PRKCB: variants seen among roughly 807,000 people sequenced by gnomAD.
PRKCB encodes protein kinase C beta type.
PRKCB carries 13 observed loss-of-function variants against 81.5 expected under a neutral mutation model. The ratio of observed to expected loss-of-function variants is 0.16; its 90% CI spans 0.10 to 0.25. The LOEUF (loss-of-function observed/expected upper bound fraction) is 0.25, where lower values mean the gene tolerates loss of function less well. Among genes scored for constraint, PRKCB ranks in the 10% least tolerant of loss-of-function variants. PRKCB has a pLI of 1.00. For missense variants in PRKCB, 509 were observed against 875.7 expected, an observed-to-expected ratio of 0.58 and a Z score of 5.29; for synonymous variants, 335 against 321.4, an observed-to-expected ratio of 1.04 and a Z score of -0.45.
rs193069544 is a variant in PRKCB at position 24,190,994 on chromosome 16, G to T, written c.1723-96G>T. ...AAATGAGTTGAGATTCTTCATTTGC[G>T]CTTTCTTTCCTAATGCATTGGAGTA... On this transcript the variant is annotated intron_variant, in intron 15 of 16. Transcript: ENST00000643927. 1.5e-5 allele frequency: 21 copies of T among 1,392,684 alleles called. No homozygotes were observed. The East Asian group carries it at 1.9e-4, about 12-fold the overall frequency. 86.3% of individuals were successfully genotyped at this position (1,392,684 alleles called of 1,614,324 possible).
At chr16:23,846,608 C>CAAA (rs33919504) in intron 2 of PRKCB, among the ~76,000 whole-genome samples, 13,440 of 65,056 alleles carry the variant, frequency 0.21, 2,662 homozygotes, top group Non-Finnish European at 0.27. Flanking sequence ...GACTCCGTCT[C>CAAA]AAAAAAAAAA....
At chr16:24,080,371 A>G (rs1180776664) in intron 5 of PRKCB, among the ~76,000 whole-genome samples, 1 of 152,222 alleles carries the variant, frequency 6.6e-6, no homozygotes, top group Non-Finnish European at 1.5e-5. Flanking sequence ...AATGAGAAAG[A>G]GGCAGATCAA....
intron 2 of PRKCB, among the ~76,000 whole-genome samples, chr16:23,939,021 G>C (rs1336152490): frequency 6.6e-6 from 1 of 152,140 alleles, no homozygotes; most frequent in Non-Finnish European, 1.5e-5. Flanking sequence ...CAACACATAA[G>C]TGAATTCAGC....
Position 24,185,092 on chromosome 16 carries a change from G to A in PRKCB, c.1534-19G>A, listed in dbSNP as rs577018123. The A allele has an allele frequency of 4.3e-6, 7 of 1,609,254 alleles. No individual in the cohort carries two copies. In the East Asian group the frequency reaches 1.6e-4, roughly 36 times the overall value. ...CATGAACTGCAAACCTCCCTGATAGGGTGCCTTCTCTTTTCTAGATAATTG... is the reference window on the plus strand; with the variant it reads ...CATGAACTGCAAACCTCCCTGATAGAGTGCCTTCTCTTTTCTAGATAATTG... On this transcript the variant is annotated intron_variant, in intron 13 of 16. Coordinates refer to ENST00000643927, the MANE Select transcript of PRKCB (RefSeq NM_002738.7).
At chr16:24,123,313 G>A (rs1236324120) in intron 8 of PRKCB, among the ~76,000 whole-genome samples, 1 of 152,174 alleles carries the variant, frequency 6.6e-6, no homozygotes, top group South Asian at 2.1e-4. Context: ...AGTGAAAGGA[G>A]AATGAAGCTA....
chr16:24,148,567 C>T (rs1021832021), intron 9 of PRKCB, among the ~76,000 whole-genome samples: 1 of 152,190 alleles, frequency 6.6e-6, no homozygotes, highest in African/African-American at 2.4e-5. Context: ...TTGCCTCTCT[C>T]AGTTGAAGCT....
At chr16:24,094,069 ACT>A in intron 6 of PRKCB, 92 bp from the exon 7 acceptor site, 2 of 1,387,120 alleles carry the variant, frequency 1.4e-6, no homozygotes, top group Middle Eastern at 2.0e-4. Context: ...AATCTTTAAA[ACT>A]TTCTACCTCC....
At chr16:23,847,577 C>CATCCATCCATCCATCCATCCATCCATCT (rs112988555) in intron 2 of PRKCB, among the ~76,000 whole-genome samples, 45 of 150,672 alleles carry the variant, frequency 3.0e-4, no homozygotes, top group African/African-American at 5.1e-4. Flanking sequence ...TCCATCCATC[C>CATCCATCCATCCATCCATCCATCCATCT]GTCTGGCTAT....
intron 5 of PRKCB, among the ~76,000 whole-genome samples, chr16:24,052,914 C>G (rs1014659804): frequency 7.2e-5 from 11 of 152,188 alleles, no homozygotes; most frequent in African/African-American, 2.7e-4. Flanking sequence ...TTATTTTACC[C>G]AGCCCCTATT....
At chr16:23,937,840 A>G (rs1964083741) in intron 2 of PRKCB, among the ~76,000 whole-genome samples, 1 of 152,220 alleles carries the variant, frequency 6.6e-6, no homozygotes, top group Admixed American at 6.5e-5. Context: ...AAGGGGAGGC[A>G]GTTAACTTGT....
At chr16:23,945,384 T>C (rs1279564593) in intron 2 of PRKCB, among the ~76,000 whole-genome samples, 2 of 152,238 alleles carry the variant, frequency 1.3e-5, no homozygotes, top group African/African-American at 4.8e-5. Flanking sequence ...GGGATGTCTT[T>C]TTAATTTCCT....
Position 24,218,621 on chromosome 16 carries a change from C to A in PRKCB, c.*3805C>A, listed in dbSNP as rs1968270390. The A allele has an allele frequency of 2.0e-6, 2 of 983,742 alleles. No homozygotes were observed. Among genetic ancestry groups the A allele is most frequent in the Admixed American group, 6.2e-5 (1 of 16,080 alleles). The allele number at this position is 983,742 out of a possible 1,614,324, so 60.9% of individuals were successfully genotyped here. On this transcript the variant is annotated 3_prime_UTR_variant, in exon 17 of 17. Transcript: ENST00000643927. ...CAAAGAAGCAAGTCTTGTAAAAGGT[C>A]TTTTGCAAAGGAGAGTGAACCCAGC...
At chr16:24,136,684 A>G (rs1966865914) in intron 9 of PRKCB, among the ~76,000 whole-genome samples, 1 of 152,096 alleles carries the variant, frequency 6.6e-6, no homozygotes, top group Non-Finnish European at 1.5e-5. Context: ...AGGGATCCCT[A>G]GGATCCAATT....
At chr16:23,913,632 A>T (rs1440935201) in intron 2 of PRKCB, among the ~76,000 whole-genome samples, 1 of 152,222 alleles carries the variant, frequency 6.6e-6, no homozygotes, top group Non-Finnish European at 1.5e-5. Flanking sequence ...TTGAGTCTGA[A>T]CGGTGATATC....
At chr16:23,954,185 G>A (rs1226431649) in intron 2 of PRKCB, among the ~76,000 whole-genome samples, 1 of 152,012 alleles carries the variant, frequency 6.6e-6, no homozygotes, top group African/African-American at 2.4e-5. Context: ...CTGACCTCAG[G>A]TGATCTGCCC....
intron 7 of PRKCB, among the ~76,000 whole-genome samples, chr16:24,103,586 T>C (rs1176139678): frequency 6.6e-6 from 1 of 152,218 alleles, no homozygotes; most frequent in Non-Finnish European, 1.5e-5. Flanking sequence ...ATTCACGGGA[T>C]ACATGTACAA....
chr16:24,142,969 G>A (rs911984334), intron 9 of PRKCB, among the ~76,000 whole-genome samples: 4 of 151,992 alleles, frequency 2.6e-5, no homozygotes, highest in Non-Finnish European at 5.9e-5. Context: ...GTGGTCCCCC[G>A]GAGGCCTACA....
In PRKCB at chr16:23,855,390, C is replaced by T. The variant is rs373758511; in HGVS notation, c.205+17984C>T. Among the ~76,000 whole-genome samples, 9 of 152,224 alleles carry T rather than the reference C, an allele frequency of 5.9e-5. No individual in the cohort carries two copies. The East Asian group carries it at 1.2e-3, about 20-fold the overall frequency. On this transcript the variant is annotated intron_variant, in intron 2 of 16. Transcript: ENST00000643927. ...ATGAAGATAATGGCACAGAGCCTAC[C>T]TCCCAGAGTTCTATGTGGATTAAAT...
At chr16:23,947,341 C>T (rs1475281257) in intron 2 of PRKCB, among the ~76,000 whole-genome samples, 3 of 152,216 alleles carry the variant, frequency 2.0e-5, no homozygotes, top group Non-Finnish European at 4.4e-5. Flanking sequence ...GCATCTTGCT[C>T]AGTGCAATAT....
Sources: gnomAD v4.1 joint callset for allele counts (sites outside exome capture counted in the v4.1 genomes callset) on GRCh38, gnomAD v4.1.1 for gene constraint, MANE v1.5 for transcripts, NCBI Gene and HGNC (gene_info 2026-07-23, HGNC 2026-07-21) for gene names.